LRP8: variants seen among roughly 807,000 people sequenced by gnomAD.
LRP8 encodes the protein low-density lipoprotein receptor-related protein 8.
Under a neutral mutation model 111.6 loss-of-function variants are expected in LRP8, and 46 were observed. The observed-to-expected ratio is 0.41, with a 90% confidence interval of 0.33 to 0.53. LRP8 has a LOEUF of 0.53. Among genes scored for constraint, LRP8 ranks in the 20% least tolerant of loss-of-function variants. The pLI is 0.20. For missense variants in LRP8, 959 were observed against 1,297.4 expected, an observed-to-expected ratio of 0.74 and a Z score of 4.01; for synonymous variants, 464 against 511.2, an observed-to-expected ratio of 0.91 and a Z score of 1.24.
Position 53,246,760 on chromosome 1 carries a change from AATTCCTC to A in LRP8, c.*251_*257del. ...GTTAGTCAGCAGTAGCCATTCCACG[AATTCCTC>A]ATGGGTAGTGCAACCAGTTAAAAAG... On this transcript the variant is annotated 3_prime_UTR_variant, in exon 19 of 19. Coordinates refer to ENST00000306052, the MANE Select transcript of LRP8 (RefSeq NM_004631.5). The A allele has an allele frequency of 2.2e-6, 1 of 464,774 alleles. No homozygotes were observed. Among genetic ancestry groups the A allele is most frequent in the South Asian group, 2.9e-5 (1 of 34,134 alleles). 28.8% of individuals were successfully genotyped at this position (464,774 alleles called of 1,614,324 possible).
chr1:53,318,245 T>TC (rs1384347188), intron 2 of LRP8, among the ~76,000 whole-genome samples: 1 of 152,094 alleles, frequency 6.6e-6, no homozygotes, highest in Non-Finnish European at 1.5e-5. Context: ...TTCTGCTTTT[T>TC]TTTTTTTTTG....
At chr1:53,257,579 G>T (rs1402417891) in intron 14 of LRP8, 115 bp from the exon 15 acceptor site, 3 of 748,792 alleles carry the variant, frequency 4.0e-6, no homozygotes, top group Non-Finnish European at 6.8e-6. Context: ...TGCCACTTCT[G>T]TGAAGCCTTT....
chr1:53,295,059 T>G (rs750194315), intron 2 of LRP8, among the ~76,000 whole-genome samples: 1 of 152,204 alleles, frequency 6.6e-6, no homozygotes, highest in Non-Finnish European at 1.5e-5. Flanking sequence ...GAGAAGTGAC[T>G]GCTCAAAGCC....
chr1:53,264,534 T>C, intron 9 of LRP8, 138 bp from the exon 10 acceptor site: 1 of 708,266 alleles, frequency 1.4e-6, no homozygotes. Flanking sequence ...ATTTCCACTC[T>C]ACACATTCCC....
At position 53,308,494 on chromosome 1, in the gene LRP8, A is replaced by G. The variant is rs1343125140; in HGVS notation, c.244+18379T>C. 1.7e-4 allele frequency among the ~76,000 whole-genome samples: 24 copies of G among 144,562 alleles called. 1 individual carries two copies. Among genetic ancestry groups the G allele is most frequent in the Admixed American group, 1.6e-3 (24 of 14,948 alleles). 94.8% of individuals were successfully genotyped at this position (144,562 alleles called of 152,430 possible). A position where few individuals can be genotyped will look rare whatever the true frequency, so the allele number is the denominator to read the frequency against. On this transcript the variant is annotated intron_variant, in intron 2 of 18. Transcript: ENST00000306052. ...CGTCTTTGCTGCTAAATGTTTGGAA[A>G]AAGCAGCAATAAATTTACTGCCTCA...
In LRP8 at chr1:53,303,265, G is replaced by A. The variant is rs904740075; in HGVS notation, c.245-13576C>T. ...ACAGGCAAGGGGCATGGCTTAGCTGGAAAAGCATCTGGGTCCAGTGAGGTG... is the reference window on the plus strand; with the variant it reads ...ACAGGCAAGGGGCATGGCTTAGCTGAAAAAGCATCTGGGTCCAGTGAGGTG... On this transcript the variant is annotated intron_variant, in intron 2 of 18. Coordinates refer to ENST00000306052, the MANE Select transcript of LRP8 (RefSeq NM_004631.5). The surrounding 1 kb of genome is among the most constrained non-coding windows in gnomAD (Gnocchi z 4.3). Among the ~76,000 whole-genome samples, 13 of 152,340 alleles carry A rather than the reference G, an allele frequency of 8.5e-5. No individual in the cohort carries two copies. Among genetic ancestry groups the A allele is most frequent in the Non-Finnish European group, 1.0e-4 (7 of 68,034 alleles).
chr1:53,313,545 A>G (rs1653378873), intron 2 of LRP8, among the ~76,000 whole-genome samples: 1 of 152,164 alleles, frequency 6.6e-6, no homozygotes, highest in Non-Finnish European at 1.5e-5. Context: ...CACAAGGATG[A>G]GAGAGCCCAG....
At chr1:53,254,102 T>C (rs1388902881) in intron 16 of LRP8, among the ~76,000 whole-genome samples, 2 of 152,082 alleles carry the variant, frequency 1.3e-5, no homozygotes, top group Non-Finnish European at 2.9e-5. Context: ...GAAGTACTCA[T>C]AGCCAAGTAA....
chr1:53,257,077 TA>T (rs1346837634), intron 15 of LRP8, among the ~76,000 whole-genome samples, 162 bp downstream of exon 15: 1 of 152,166 alleles, frequency 6.6e-6, no homozygotes, highest in Non-Finnish European at 1.5e-5. Flanking sequence ...CTATGAGTCC[TA>T]AATCGCAGGC....
At chr1:53,253,915 C>CT (rs916517346) in intron 16 of LRP8, among the ~76,000 whole-genome samples, 1 of 152,110 alleles carries the variant, frequency 6.6e-6, no homozygotes, top group Non-Finnish European at 1.5e-5. Flanking sequence ...CCTTAAAGGA[C>CT]TTTATTTTTG....
chr1:53,288,740 T>C (rs576077831), intron 3 of LRP8, among the ~76,000 whole-genome samples: 9 of 152,308 alleles, frequency 5.9e-5, no homozygotes, highest in African/African-American at 2.2e-4. Context: ...TGCTTTTGCC[T>C]GAGCCTTTTG....
At chr1:53,290,772 G>A (rs1322983474) in intron 2 of LRP8, among the ~76,000 whole-genome samples, 1 of 152,134 alleles carries the variant, frequency 6.6e-6, no homozygotes, top group Non-Finnish European at 1.5e-5. Flanking sequence ...AGGCCCGGGG[G>A]AGAGCAGTTG....
In LRP8 at chr1:53,257,462, G is replaced by C; in HGVS notation, c.2212C>G (p.Pro738Ala). The change falls in exon 15 of 19, where the codon CCT becomes GCT. Residue 738 changes from proline (P) to alanine (A), a missense_variant and splice_region_variant. By Grantham distance (27) the Pro-to-Ala change is conservative. Around this residue, in one of 3 missense-constraint regions of LRP8, gnomAD observed 819 missense variants for 1,097.6 expected, o/e 0.75. Transcript: ENST00000306052. ...GPDMKRCYRAPQSTSTTTLAS... is the reference protein window; with the variant it reads ...GPDMKRCYRAAQSTSTTTLAS... The stretch of plus-strand genomic sequence containing the variant: ...AACGTCGTAGTTGAGGTAGATTGAG[G>C]TGCTGGAGGGGAAATACCATGGAGG... 1 of 1,613,544 alleles carries C rather than the reference G, an allele frequency of 6.2e-7. No individual in the cohort carries two copies. Among genetic ancestry groups the C allele is most frequent in the Non-Finnish European group, 8.5e-7 (1 of 1,179,514 alleles).
chr1:53,246,017 A>C lies in LRP8; in HGVS notation c.*1001T>G, dbSNP rs1258943038. Reference sequence around the variant, plus strand: ...TTGAAGAAGTTACTCAAAGAGCTGAACTTTAAAACAAGGAGTAGCTGAGGG... The same window carrying C: ...TTGAAGAAGTTACTCAAAGAGCTGACCTTTAAAACAAGGAGTAGCTGAGGG... On this transcript the variant is annotated 3_prime_UTR_variant, in exon 19 of 19. Coordinates refer to ENST00000306052, the MANE Select transcript of LRP8 (RefSeq NM_004631.5). 6.6e-6 allele frequency: 1 copy of C among 152,390 alleles called. No individual in the cohort carries two copies. Among genetic ancestry groups the C allele is most frequent in the African/African-American group, 2.4e-5 (1 of 41,450 alleles). 9.4% of individuals were successfully genotyped at this position (152,390 alleles called of 1,614,324 possible). A position where few individuals can be genotyped will look rare whatever the true frequency, so the allele number is the denominator to read the frequency against.
intron 2 of LRP8, among the ~76,000 whole-genome samples, chr1:53,297,955 T>A (rs892915408): frequency 1.3e-5 from 2 of 152,156 alleles, no homozygotes; most frequent in African/African-American, 4.8e-5. Context: ...CCCCCAGCGG[T>A]GGAAGGAGTG....
intron 18 of LRP8, among the ~76,000 whole-genome samples, chr1:53,247,727 T>C (rs1400492397): frequency 6.6e-6 from 1 of 152,218 alleles, no homozygotes; most frequent in Non-Finnish European, 1.5e-5. Context: ...GAAATTTGTT[T>C]GTTTATATCT....
chr1:53,276,807 G>A lies in LRP8; in HGVS notation c.768C>T (p.Pro256=). The change falls in exon 5 of 19, where the codon CCC becomes CCT. Residue 256 remains proline (P), a synonymous_variant. Transcript: ENST00000306052. ...GRPGPGATSA[P]AACATASQFA... is the part of the protein sequence containing the mutation. ...ACTGGGAGGCGGTGGCGCAGGCGGC[G>A]GGCGCGGACGTGGCCCCGGGGCCCG... 1 of 1,270,698 alleles carries A rather than the reference G, an allele frequency of 7.9e-7. No homozygotes were observed. Among genetic ancestry groups the A allele is most frequent in the Non-Finnish European group, 9.9e-7 (1 of 1,005,044 alleles). 78.7% of individuals were successfully genotyped at this position (1,270,698 alleles called of 1,614,324 possible). A position where few individuals can be genotyped will look rare whatever the true frequency, so the allele number is the denominator to read the frequency against.
At chr1:53,301,538 A>G (rs1650861605) in intron 2 of LRP8, among the ~76,000 whole-genome samples, 1 of 152,164 alleles carries the variant, frequency 6.6e-6, no homozygotes, top group Admixed American at 6.5e-5. Flanking sequence ...CCTGGACAAC[A>G]TGGTGAAACC....
chr1:53,319,688 G>T (rs921462231), intron 2 of LRP8, among the ~76,000 whole-genome samples: 2 of 152,206 alleles, frequency 1.3e-5, no homozygotes, highest in Non-Finnish European at 1.5e-5. Flanking sequence ...CTCCGGCTGC[G>T]GGGTGATTAC....
Sources: allele counts gnomAD v4.1 joint callset (sites outside exome capture counted in the v4.1 genomes callset), GRCh38; gene constraint gnomAD v4.1.1; regional missense constraint gnomAD v4.1.1; non-coding constraint Gnocchi (gnomAD v3.1); transcripts MANE v1.5; gene names NCBI Gene and HGNC (gene_info 2026-07-23, HGNC 2026-07-21).